The following RGS6 variants were observed in gnomAD, a reference collection of about 807,000 sequenced individuals.
The protein encoded by RGS6 is regulator of G-protein signaling 6.
RGS6 carries 30 observed loss-of-function variants against 78.5 expected under a neutral mutation model. The observed-to-expected ratio is 0.38, with a 90% confidence interval of 0.29 to 0.52. RGS6 has a LOEUF of 0.52. RGS6 is among the 20% of genes least tolerant of loss of function. RGS6 has a pLI of 0.85. For missense variants in RGS6, 495 were observed against 609.7 expected (o/e 0.81, Z 1.98); for synonymous variants, 206 against 206.0 (o/e 1.00, Z 0.00).
At chr14:72,413,527 C>T (rs902159275) in intron 3 of RGS6, among the ~76,000 whole-genome samples, 3 of 152,152 alleles carry the variant, frequency 2.0e-5, no homozygotes, top group Middle Eastern at 3.2e-3. Flanking sequence ...TCCAATTTGC[C>T]AGTCTGTGTC....
At chr14:72,138,062 G>C (rs1171216060) in intron 2 of RGS6, among the ~76,000 whole-genome samples, 3 of 152,098 alleles carry the variant, frequency 2.0e-5, no homozygotes, top group Non-Finnish European at 4.4e-5. Flanking sequence ...AAGGGTTTTA[G>C]GAGTTGTGTG....
At chr14:72,033,837 C>T (rs1260268325) in intron 2 of RGS6, among the ~76,000 whole-genome samples, 1 of 152,142 alleles carries the variant, frequency 6.6e-6, no homozygotes, top group Non-Finnish European at 1.5e-5. Context: ...ACAGCAGCTG[C>T]ATGGTTTTAT....
At chr14:71,988,922 C>G (rs2094837797) in intron 2 of RGS6, among the ~76,000 whole-genome samples, 1 of 152,144 alleles carries the variant, frequency 6.6e-6, no homozygotes, top group Non-Finnish European at 1.5e-5. Flanking sequence ...CCTGAGGGGT[C>G]ACATAATTTA....
At chr14:72,527,488 G>A (rs979608296) in intron 15 of RGS6, among the ~76,000 whole-genome samples, 9 of 152,136 alleles carry the variant, frequency 5.9e-5, no homozygotes, top group Admixed American at 2.0e-4. Context: ...TTGTAAAATG[G>A]GGGTGTTTAA....
intron 3 of RGS6, among the ~76,000 whole-genome samples, chr14:72,410,062 C>T (rs2153047463): frequency 6.6e-6 from 1 of 152,302 alleles, no homozygotes; most frequent in East Asian, 1.9e-4. Context: ...GATTTATAAT[C>T]CTTTGAGTAT....
intron 2 of RGS6, among the ~76,000 whole-genome samples, chr14:72,270,423 G>T (rs544656297): frequency 6.6e-6 from 1 of 152,202 alleles, no homozygotes; most frequent in Admixed American, 6.5e-5. Context: ...AGGACAACTG[G>T]CAAAGACTCT....
chr14:71,938,329 T>C (rs958248574), intron 1 of RGS6, among the ~76,000 whole-genome samples: 1 of 152,248 alleles, frequency 6.6e-6, no homozygotes, highest in Admixed American at 6.5e-5. Context: ...TATAATCGCA[T>C]ATTGGGCCAT....
chr14:71,949,884 G>C (rs2092104963), intron 1 of RGS6, among the ~76,000 whole-genome samples: 1 of 146,842 alleles, frequency 6.8e-6, no homozygotes, highest in Admixed American at 6.9e-5. Context: ...TATTTGTTTT[G>C]TTTTACTTAT....
At chr14:71,953,096 TG>T (rs2092477454) in intron 1 of RGS6, among the ~76,000 whole-genome samples, 1 of 152,176 alleles carries the variant, frequency 6.6e-6, no homozygotes, top group African/African-American at 2.4e-5. Context: ...ACTATAATCT[TG>T]GAACCCATAC....
intron 2 of RGS6, among the ~76,000 whole-genome samples, chr14:72,155,743 G>A (rs1166453052): frequency 6.6e-6 from 1 of 152,174 alleles, no homozygotes; most frequent in African/African-American, 2.4e-5. Flanking sequence ...CAAACAATTG[G>A]CAATTTCCCC....
chr14:72,170,256 T>C (rs925849655), intron 2 of RGS6, among the ~76,000 whole-genome samples: 4 of 152,182 alleles, frequency 2.6e-5, no homozygotes, highest in African/African-American at 9.7e-5. Flanking sequence ...GTCCAAAATG[T>C]TTAATACAGA....
At chr14:72,157,162 T>G in intron 2 of RGS6, among the ~76,000 whole-genome samples, 1 of 152,156 alleles carries the variant, frequency 6.6e-6, no homozygotes. Flanking sequence ...TCTCTCTGGG[T>G]TCCTTAGAGA....
chr14:72,205,649 C>T (rs187673970), intron 2 of RGS6, among the ~76,000 whole-genome samples: 647 of 152,152 alleles, frequency 4.3e-3, no homozygotes, highest in Middle Eastern at 0.01. Context: ...ATATTTAAGC[C>T]AAAGAAATAA....
At chr14:72,241,568 A>G (rs1053482712) in intron 2 of RGS6, among the ~76,000 whole-genome samples, 2 of 152,228 alleles carry the variant, frequency 1.3e-5, no homozygotes, top group African/African-American at 4.8e-5. Context: ...CCAAGCATAT[A>G]TCAAATAATT....
rs1208420402 is a variant in RGS6 at position 72,440,435 on chromosome 14, G to A, written c.185-14093G>A. On this transcript the variant is annotated intron_variant, in intron 3 of 17. Coordinates refer to ENST00000553525, the MANE Select transcript of RGS6 (RefSeq NM_001204424.2). The stretch of plus-strand genomic sequence containing the variant: ...ACTTCTTTTTTTTTTTTTTTTTTGA[G>A]ATGGAGTCTCGCTCTGTTGCCCAGG... 2.9e-5 allele frequency among the ~76,000 whole-genome samples: 4 copies of A among 137,200 alleles called. No homozygotes were observed. In the East Asian group the frequency reaches 6.5e-4, roughly 22 times the overall value. 90.0% of individuals were successfully genotyped at this position (137,200 alleles called of 152,430 possible). A position where few individuals can be genotyped will look rare whatever the true frequency, so the allele number is the denominator to read the frequency against.
the RGS6 span, among the ~76,000 whole-genome samples, chr14:72,608,141 T>G: frequency 1.1e-3 from 163 of 152,314 alleles, no homozygotes; most frequent in Non-Finnish European, 1.8e-3. Context: ...TGTTGTACTA[T>G]TACCTGTCTG....
At chr14:72,414,275 T>A (rs1195312365) in intron 3 of RGS6, among the ~76,000 whole-genome samples, 1 of 152,192 alleles carries the variant, frequency 6.6e-6, no homozygotes, top group African/African-American at 2.4e-5. Context: ...TTTTTATTCT[T>A]TTTTCTCTAA....
At chr14:71,957,941 A>AT (rs373337097) in intron 1 of RGS6, among the ~76,000 whole-genome samples, 23 of 151,270 alleles carry the variant, frequency 1.5e-4, no homozygotes, top group African/African-American at 5.6e-4. Context: ...TAATTTTTGT[A>AT]TTTTTTTGTA....
At chr14:71,884,360 A>C in the RGS6 span, among the ~76,000 whole-genome samples, 3 of 152,378 alleles carry the variant, frequency 2.0e-5, no homozygotes, top group Middle Eastern at 6.8e-3. Flanking sequence ...AAGAAAGCAC[A>C]AAGTGTCTTA....
Sources: allele counts gnomAD v4.1 joint callset (sites outside exome capture counted in the v4.1 genomes callset), GRCh38; gene constraint gnomAD v4.1.1; transcripts MANE v1.5; gene names NCBI Gene and HGNC (gene_info 2026-07-23, HGNC 2026-07-21).